Variants in ADAMTS3 observed in about 807,000 individuals in gnomAD.
The protein encoded by ADAMTS3 is A disintegrin and metalloproteinase with thrombospondin motifs 3.
ADAMTS3 carries 73 observed loss-of-function variants against 129.0 expected under a neutral mutation model. The ratio of observed to expected loss-of-function variants is 0.57; its 90% confidence interval spans 0.47 to 0.69. The LOEUF is 0.69. Ranked by LOEUF, ADAMTS3 falls within the 30% of genes least tolerant of loss-of-function variation. The pLI is 0.00. For synonymous variants in ADAMTS3, 477 were observed against 510.8 expected, an observed-to-expected ratio of 0.93 and a Z score of 0.89; for missense variants, 1,457 against 1,514.5, an observed-to-expected ratio of 0.96 and a Z score of 0.63.
chr4:72,319,490 G>T lies in ADAMTS3; in HGVS notation c.1209-15C>A, dbSNP rs1280098179. On this transcript the variant is annotated splice_polypyrimidine_tract_variant and intron_variant, in intron 8 of 21. Coordinates refer to ENST00000286657, the MANE Select transcript of ADAMTS3 (RefSeq NM_014243.3). ...CCATTCCCAACCTAGAACACAAAGA[G>T]ACCTCAGTGGTAAGAATCAGGGGCT... is the stretch of plus-strand genomic sequence containing the variant. The T allele has an allele frequency of 6.2e-7, 1 of 1,600,284 alleles. No individual in the cohort carries two copies. The highest frequency in any genetic ancestry group is 1.8e-5 in the Admixed American group (1 of 56,102).
At chr4:72,566,165 G>A (rs1401150) in intron 2 of ADAMTS3, among the ~76,000 whole-genome samples, 146,337 of 152,238 alleles carry the variant, frequency 0.96, 70,604 homozygotes, top group East Asian at 1. Flanking sequence ...TCCTCTTGCC[G>A]TCGAGGTCTA....
intron 12 of ADAMTS3, among the ~76,000 whole-genome samples, chr4:72,313,058 A>G (rs1199305265): frequency 6.6e-6 from 1 of 152,144 alleles, no homozygotes. Flanking sequence ...GTGCTCAGAG[A>G]CATCCTGCTG....
At chr4:72,415,272 C>T (rs967962445) in intron 3 of ADAMTS3, among the ~76,000 whole-genome samples, 3 of 151,732 alleles carry the variant, frequency 2.0e-5, no homozygotes, top group African/African-American at 7.3e-5. Context: ...AAAATAAGTG[C>T]ATTTATATAT....
At chr4:72,515,389 T>C (rs1464639822) in intron 3 of ADAMTS3, among the ~76,000 whole-genome samples, 2 of 151,956 alleles carry the variant, frequency 1.3e-5, no homozygotes, top group Non-Finnish European at 2.9e-5. Flanking sequence ...TTTCTAGTTC[T>C]AGATCCTTGA....
intron 12 of ADAMTS3, among the ~76,000 whole-genome samples, chr4:72,313,456 A>C (rs1460006194): frequency 1.3e-5 from 2 of 152,122 alleles, no homozygotes; most frequent in African/African-American, 4.8e-5. Context: ...ACTTCTTTAA[A>C]AATATTCAAT....
intron 4 of ADAMTS3, among the ~76,000 whole-genome samples, chr4:72,342,228 T>C (rs1458135419): frequency 6.6e-6 from 1 of 152,174 alleles, no homozygotes; most frequent in Non-Finnish European, 1.5e-5. Context: ...CTAAACTGCC[T>C]TTGTAAAACT....
rs550141593 is a variant in ADAMTS3 at position 72,428,076 on chromosome 4, T to C, written c.505-13105A>G. Among the ~76,000 whole-genome samples, 12 of 152,092 alleles carry C rather than the reference T, an allele frequency of 7.9e-5. No individual in the cohort carries two copies. The South Asian group carries it at 2.1e-3, about 26-fold the overall frequency. On this transcript the variant is annotated intron_variant, in intron 3 of 21. Coordinates refer to ENST00000286657, the MANE Select transcript of ADAMTS3 (RefSeq NM_014243.3). ...CATTATGGGTACTGTGGCTTACCCA[T>C]CGCTATTGTACTTGTGCAATTACAG...
chr4:72,440,656 T>C (rs1365508623), intron 3 of ADAMTS3, among the ~76,000 whole-genome samples: 2 of 151,728 alleles, frequency 1.3e-5, no homozygotes, highest in Non-Finnish European at 2.9e-5. Context: ...GCTTATATTC[T>C]CACATGACTT....
At chr4:72,512,319 C>T (rs1052069031) in intron 3 of ADAMTS3, among the ~76,000 whole-genome samples, 1 of 151,984 alleles carries the variant, frequency 6.6e-6, no homozygotes, top group Non-Finnish European at 1.5e-5. Context: ...TGGTGAAACC[C>T]TGTCTCTACT....
intron 18 of ADAMTS3, among the ~76,000 whole-genome samples, chr4:72,297,773 T>C (rs367702288): frequency 7.2e-5 from 11 of 152,126 alleles, no homozygotes; most frequent in African/African-American, 2.7e-4. Context: ...ATAACAACAG[T>C]ACCAACTGCG....
chr4:72,326,400 A>T (rs1368889263), intron 5 of ADAMTS3, among the ~76,000 whole-genome samples: 1 of 152,070 alleles, frequency 6.6e-6, no homozygotes, highest in Non-Finnish European at 1.5e-5. Context: ...AATTCCTGAG[A>T]TGTAGTGTTT....
intron 2 of ADAMTS3, among the ~76,000 whole-genome samples, chr4:72,551,916 T>C (rs1375004678): frequency 6.6e-6 from 1 of 152,172 alleles, no homozygotes; most frequent in Non-Finnish European, 1.5e-5. Context: ...AATTACAATG[T>C]TCTACCTACC....
chr4:72,306,038 C>A lies in ADAMTS3; in HGVS notation c.2209G>T (p.Gly737Trp). 1 of 1,609,722 alleles carries A rather than the reference C, an allele frequency of 6.2e-7. No individual in the cohort carries two copies. Among genetic ancestry groups the A allele is most frequent in the Non-Finnish European group, 8.5e-7 (1 of 1,178,050 alleles). ...TCTTGGATTAACACATGTCTAGCCCCAGGGGGTATATCAAACATCTTAAGG... is the reference window on the plus strand; with the variant it reads ...TCTTGGATTAACACATGTCTAGCCCAAGGGGGTATATCAAACATCTTAAGG... ...GYLKMFDIPPGARHVLIQEDE... is the reference protein window; with the variant it reads ...GYLKMFDIPPWARHVLIQEDE... Residue 737 changes from glycine (G) to tryptophan (W), a missense_variant, in exon 16 of 22, where the codon GGG (glycine) becomes TGG (tryptophan). Coordinates refer to ENST00000286657, the MANE Select transcript of ADAMTS3 (RefSeq NM_014243.3).
chr4:72,338,652 G>A (rs1348355062), intron 5 of ADAMTS3, among the ~76,000 whole-genome samples: 1 of 151,860 alleles, frequency 6.6e-6, no homozygotes, highest in African/African-American at 2.4e-5. Context: ...GTTGTGAGGG[G>A]GGAGGGTGGG....
intron 2 of ADAMTS3, among the ~76,000 whole-genome samples, chr4:72,557,873 G>A (rs1055601256): frequency 2.0e-5 from 3 of 151,778 alleles, no homozygotes; most frequent in Admixed American, 2.0e-4. Context: ...GTTTTTAAGT[G>A]AAGCCCAAAT....
chr4:72,483,204 ACT>A (rs990311744), intron 3 of ADAMTS3, among the ~76,000 whole-genome samples: 2 of 152,136 alleles, frequency 1.3e-5, no homozygotes, highest in Non-Finnish European at 2.9e-5. Flanking sequence ...AAGAAATAAA[ACT>A]CTCTTTCCCA....
At chr4:72,498,746 G>A (rs187735395) in intron 3 of ADAMTS3, among the ~76,000 whole-genome samples, 1 of 151,914 alleles carries the variant, frequency 6.6e-6, no homozygotes, top group Non-Finnish European at 1.5e-5. Flanking sequence ...CACTTCCAAA[G>A]TTTCTTTTCT....
In ADAMTS3 at chr4:72,457,124, G is replaced by A. The variant is rs939933593; in HGVS notation, c.505-42153C>T. On this transcript the variant is annotated intron_variant, in intron 3 of 21. Transcript: ENST00000286657. ...ATAAAGATGTGCTACATTTATAATA[G>A]AAATTAAAATTAGTAAACAAAGTGA... 3.3e-5 allele frequency among the ~76,000 whole-genome samples: 5 copies of A among 151,752 alleles called. No individual in the cohort carries two copies. In the South Asian group the frequency reaches 1.0e-3, roughly 31 times the overall value.
chr4:72,377,389 AGGG>A (rs1243747874), intron 4 of ADAMTS3, among the ~76,000 whole-genome samples: 1 of 152,190 alleles, frequency 6.6e-6, no homozygotes, highest in Non-Finnish European at 1.5e-5. Flanking sequence ...CAAGAGAAAT[AGGG>A]GAAAACGGAG....
Sources: allele counts gnomAD v4.1 joint callset (sites outside exome capture counted in the v4.1 genomes callset), GRCh38; gene constraint gnomAD v4.1.1; transcripts MANE v1.5; gene names NCBI Gene and HGNC (gene_info 2026-07-23, HGNC 2026-07-21).